Variants in PCDH15 observed in about 807,000 individuals in gnomAD.
PCDH15 encodes protocadherin related 15.
A neutral mutation model predicts 178.5 loss-of-function variants in PCDH15; 129 were observed. The observed-to-expected ratio is 0.72, with a 90% confidence interval of 0.63 to 0.84. The LOEUF (loss-of-function observed/expected upper bound fraction) is 0.84, where lower values mean the gene tolerates loss of function less well. PCDH15 is among the 40% of genes least tolerant of loss of function. The probability of loss-of-function intolerance (pLI) is 0.00; values close to 1 mark genes in which losing one functional copy is unlikely to be tolerated. For missense variants in PCDH15, 2,230 were observed against 2,099.9 expected, an observed-to-expected ratio of 1.06 and a Z score of -1.21; for synonymous variants, 800 against 732.0, an observed-to-expected ratio of 1.09 and a Z score of -1.50.
At chr10:54,667,588 C>T (rs76781909) in intron 1 of PCDH15, among the ~76,000 whole-genome samples, 3,837 of 152,106 alleles carry the variant, frequency 0.025, 165 homozygotes, top group African/African-American at 0.089. Context: ...CATAATCTTG[C>T]TAAGTGACTG....
intron 8 of PCDH15, among the ~76,000 whole-genome samples, chr10:54,249,774 T>C (rs1364991020): frequency 1.3e-5 from 2 of 152,168 alleles, no homozygotes; most frequent in African/African-American, 2.4e-5. Context: ...CTTTTTTATA[T>C]GTAATGTTTC....
At chr10:55,406,637 T>A (rs1213327366) in intron 2 of PCDH15, among the ~76,000 whole-genome samples, 5 of 152,096 alleles carry the variant, frequency 3.3e-5, no homozygotes, top group Non-Finnish European at 5.9e-5. Flanking sequence ...TTTGAGGCAC[T>A]TTTTAGGTAT....
intron 6 of PCDH15, among the ~76,000 whole-genome samples, chr10:54,336,058 A>T (rs1828095229): frequency 6.6e-6 from 1 of 152,156 alleles, no homozygotes; most frequent in Non-Finnish European, 1.5e-5. Context: ...GACTGGTGGC[A>T]TTTTGTCCCT....
At chr10:54,523,318 A>C (rs995545204) in intron 3 of PCDH15, among the ~76,000 whole-genome samples, 2 of 152,206 alleles carry the variant, frequency 1.3e-5, no homozygotes, top group Non-Finnish European at 2.9e-5. Flanking sequence ...AATTTAACCA[A>C]AAGTAGTGTA....
intron 15 of PCDH15, among the ~76,000 whole-genome samples, chr10:54,118,496 T>C (rs1247444635): frequency 6.6e-6 from 1 of 151,916 alleles, no homozygotes; most frequent in African/African-American, 2.4e-5. Context: ...CCGTCTCTAC[T>C]AAAAATACAA....
intron 18 of PCDH15, among the ~76,000 whole-genome samples, chr10:54,028,615 A>T (rs1291999154): frequency 6.7e-6 from 1 of 148,890 alleles, no homozygotes; most frequent in African/African-American, 2.5e-5. Context: ...GCCATAAAAA[A>T]TGATGAGTTC....
intron 9 of PCDH15, among the ~76,000 whole-genome samples, chr10:54,218,993 C>G (rs2052414806): frequency 6.6e-6 from 1 of 151,380 alleles, no homozygotes; most frequent in South Asian, 2.1e-4. Flanking sequence ...GTGGCTCACG[C>G]CTGTAATCCC....
At chr10:53,892,772 T>C (rs1342537746) in intron 26 of PCDH15, among the ~76,000 whole-genome samples, 1 of 152,112 alleles carries the variant, frequency 6.6e-6, no homozygotes, top group African/African-American at 2.4e-5. Flanking sequence ...TTCAGTTATA[T>C]AGGAGGAATA....
Position 54,063,519 on chromosome 10 carries a change from T to C in PCDH15, c.2220+3238A>G, listed in dbSNP as rs75942515. Among the ~76,000 whole-genome samples, 1,396 of 152,294 alleles carry C rather than the reference T, an allele frequency of 9.2e-3. 23 individuals are homozygous for C. The highest frequency in any genetic ancestry group is 0.032 in the African/African-American group (1,336 of 41,570). On this transcript the variant is annotated intron_variant, in intron 18 of 37. Coordinates refer to ENST00000644397, the MANE Select transcript of PCDH15 (RefSeq NM_001384140.1). ...ATGTCCCTCAGAGCATTTGGTATGC[T>C]TTGGCCAACTTCCACCTCCTGGTAT...
intron 1 of PCDH15, among the ~76,000 whole-genome samples, chr10:55,181,183 A>T (rs1406492782): frequency 3.3e-5 from 5 of 152,204 alleles, no homozygotes; most frequent in South Asian, 4.1e-4. Flanking sequence ...TGTGAAAATG[A>T]ACAAATACAG....
intron 1 of PCDH15, among the ~76,000 whole-genome samples, chr10:54,706,458 G>A (rs2095365540): frequency 6.6e-6 from 1 of 152,074 alleles, no homozygotes; most frequent in South Asian, 2.1e-4. Flanking sequence ...GACATGCAGA[G>A]ATTATCCTAG....
intron 8 of PCDH15, among the ~76,000 whole-genome samples, chr10:54,242,397 CA>C (rs1332736731): frequency 1.3e-5 from 2 of 151,342 alleles, no homozygotes; most frequent in Non-Finnish European, 2.9e-5. Context: ...TAGCTTATAT[CA>C]GGTTAACAGA....
intron 10 of PCDH15, among the ~76,000 whole-genome samples, chr10:54,197,073 AG>A (rs2049746455): frequency 6.6e-6 from 1 of 152,172 alleles, no homozygotes; most frequent in Non-Finnish European, 1.5e-5. Flanking sequence ...CGTCCCCAAA[AG>A]CTTCTTAAAA....
rs1342720135 is a variant in PCDH15, at chr10:54,034,363, G to A, written c.2221-11166C>T. ...CATCACAGGGATAGAGCCAGATATA[G>A]GTTCCAGTTTTATTTTATCATCACT... is the stretch of plus-strand genomic sequence containing the variant. On this transcript the variant is annotated intron_variant, in intron 18 of 37. Coordinates refer to ENST00000644397, the MANE Select transcript of PCDH15 (RefSeq NM_001384140.1). Among the ~76,000 whole-genome samples, 3 of 151,368 alleles carry A rather than the reference G, an allele frequency of 2.0e-5. No homozygotes were observed. The East Asian group carries it at 6.0e-4, about 30-fold the overall frequency.
In PCDH15 at chr10:54,616,191, G is replaced by A. The variant is rs979397431; in HGVS notation, c.91+47981C>T. Among the ~76,000 whole-genome samples the A allele has an allele frequency of 5.9e-5, 9 of 152,120 alleles. 2 individuals carry two copies. ...ATCTGTGGGTGGAATCAACATTCAG[G>A]TTTCTGCTGTTTGATCCTGAACTCA... is the stretch of plus-strand genomic sequence containing the variant. On this transcript the variant is annotated intron_variant, in intron 2 of 37. Transcript: ENST00000644397.
intron 13 of PCDH15, among the ~76,000 whole-genome samples, chr10:54,164,092 G>GA (rs2045973576): frequency 6.6e-6 from 1 of 152,200 alleles, no homozygotes; most frequent in Admixed American, 6.5e-5. Context: ...TTCATATGCA[G>GA]AAGCTTTCGC....
chr10:54,302,259 A>G (rs1396070741), intron 8 of PCDH15, among the ~76,000 whole-genome samples: 1 of 152,200 alleles, frequency 6.6e-6, no homozygotes, highest in Non-Finnish European at 1.5e-5. Flanking sequence ...AAATCAGGTC[A>G]ATAACTCCTA....
chr10:54,981,918 G>C (rs111973556), intron 2 of PCDH15, among the ~76,000 whole-genome samples: 1 of 151,466 alleles, frequency 6.6e-6, no homozygotes, highest in Non-Finnish European at 1.5e-5. Flanking sequence ...TAGAACTCTT[G>C]GTGCACATTT....
intron 1 of PCDH15, among the ~76,000 whole-genome samples, chr10:55,187,995 C>T (rs1441860769): frequency 6.6e-6 from 1 of 151,852 alleles, no homozygotes; most frequent in Non-Finnish European, 1.5e-5. Context: ...GGCAATGGTC[C>T]AGGCAGTAGG....
Sources: gnomAD v4.1 joint callset for allele counts (sites outside exome capture counted in the v4.1 genomes callset) on GRCh38, gnomAD v4.1.1 for gene constraint, MANE v1.5 for transcripts, NCBI Gene and HGNC (gene_info 2026-07-23, HGNC 2026-07-21) for gene names.